The following FRMD4B variants were observed in gnomAD, a reference collection of about 807,000 sequenced individuals.
FRMD4B encodes FERM domain containing 4B, also known as FERM domain-containing protein 4B.
Under a neutral mutation model 141.5 loss-of-function variants are expected in FRMD4B, and 74 were observed. That is an observed-to-expected ratio of 0.52 (90% CI 0.43 to 0.63). FRMD4B has a LOEUF of 0.63. FRMD4B is among the 30% of genes least tolerant of loss of function. The pLI is 0.00. For missense variants in FRMD4B, 1,366 were observed against 1,253.4 expected (o/e 1.09, Z -1.36); for synonymous variants, 506 against 467.9 (o/e 1.08, Z -1.05).
intron 5 of FRMD4B, among the ~76,000 whole-genome samples, chr3:69,257,809 G>GT (rs1369906460): frequency 6.6e-6 from 1 of 151,648 alleles, no homozygotes; most frequent in Non-Finnish European, 1.5e-5. Flanking sequence ...CTACAGGTGT[G>GT]TATCACCATG....
chr3:69,427,724 C>G (rs1472121601), intron 2 of FRMD4B, among the ~76,000 whole-genome samples: 1 of 129,660 alleles, frequency 7.7e-6, no homozygotes, highest in Non-Finnish European at 1.6e-5. Flanking sequence ...GGCTCCATCT[C>G]GGCTCACTGC....
Position 69,224,621 on chromosome 3 carries a change from T to A in FRMD4B, c.651A>T (p.Pro217=). 6.4e-7 allele frequency: 1 copy of A among 1,562,460 alleles called. No individual in the cohort carries two copies. Among genetic ancestry groups the A allele is most frequent in the Non-Finnish European group, 8.8e-7 (1 of 1,137,958 alleles). The part of the protein sequence containing the change: ...AFPTKTLQEH[P]SLAYCEDRVI... ...ATTTGGCTTACCAGTAGGCAAGGGATGGATGCTCCTGAAGAGTTTTGGTTG... is the reference window on the plus strand; with the variant it reads ...ATTTGGCTTACCAGTAGGCAAGGGAAGGATGCTCCTGAAGAGTTTTGGTTG... Residue 217 remains proline (P), a synonymous_variant, in exon 8 of 23, where the codon CCA becomes CCT. Transcript: ENST00000398540.
chr3:69,420,834 A>G (rs750882076), intron 2 of FRMD4B, among the ~76,000 whole-genome samples: 26 of 152,240 alleles, frequency 1.7e-4, no homozygotes, highest in Non-Finnish European at 2.9e-4. Flanking sequence ...AGGTGGATCC[A>G]AAAGAGCAGA....
At chr3:69,293,880 C>CAAAAAAAAAAAAAAAAAA (rs10699871) in intron 4 of FRMD4B, among the ~76,000 whole-genome samples, 1 of 74,448 alleles carries the variant, frequency 1.3e-5, no homozygotes, top group African/African-American at 6.0e-5. Context: ...GATTCTGCCT[C>CAAAAAAAAAAAAAAAAAA]AAAAAAAAAA....
At chr3:69,217,877 C>T (rs556567673) in intron 10 of FRMD4B, among the ~76,000 whole-genome samples, 1 of 152,190 alleles carries the variant, frequency 6.6e-6, no homozygotes, top group African/African-American at 2.4e-5. Context: ...TACTTTTCAT[C>T]ATCTCAAAAT....
chr3:69,341,074 A>C (rs1258254217), intron 1 of FRMD4B, among the ~76,000 whole-genome samples: 1 of 152,222 alleles, frequency 6.6e-6, no homozygotes, highest in Non-Finnish European at 1.5e-5. Flanking sequence ...TTCATATATA[A>C]TAGTTAAAAG....
In FRMD4B at chr3:69,298,805, T is replaced by C. The variant is rs146848025; in HGVS notation, c.416+3538A>G. Among the ~76,000 whole-genome samples, 281 of 152,278 alleles carry C rather than the reference T, an allele frequency of 1.8e-3. 2 individuals carry two copies. Among genetic ancestry groups the C allele is most frequent in the African/African-American group, 4.9e-3 (202 of 41,554 alleles). On this transcript the variant is annotated intron_variant, in intron 4 of 22. Coordinates refer to ENST00000398540, the MANE Select transcript of FRMD4B (RefSeq NM_015123.3). ...AAATGCAGCCCCGGCTTTGCTAATA[T>C]TCCCTTTTCCTCCTCCCTAATGGAG...
At chr3:69,326,468 T>A (rs1458394492) in intron 1 of FRMD4B, among the ~76,000 whole-genome samples, 10 of 152,360 alleles carry the variant, frequency 6.6e-5, no homozygotes. Context: ...TAACACCTTA[T>A]CTGATTGTGA....
At chr3:69,280,013 G>A (rs1559774533) in intron 5 of FRMD4B, among the ~76,000 whole-genome samples, 2 of 152,108 alleles carry the variant, frequency 1.3e-5, no homozygotes, top group South Asian at 2.1e-4. Context: ...AAAAGGGGGT[G>A]TGGTGGTCCA....
chr3:69,293,927 G>A (rs1275919655), intron 4 of FRMD4B, among the ~76,000 whole-genome samples: 3 of 141,004 alleles, frequency 2.1e-5, no homozygotes, highest in East Asian at 4.3e-4. Context: ...TCTTTCCTAA[G>A]TTCTTTCTCT....
intron 2 of FRMD4B, among the ~76,000 whole-genome samples, chr3:69,398,647 A>G (rs187810171): frequency 6.6e-6 from 1 of 152,200 alleles, no homozygotes; most frequent in African/African-American, 2.4e-5. Flanking sequence ...GCCATGTAAG[A>G]TTGTTCAAGA....
intron 1 of FRMD4B, among the ~76,000 whole-genome samples, chr3:69,316,695 C>T (rs1341164535): frequency 6.6e-6 from 1 of 152,020 alleles, no homozygotes; most frequent in Admixed American, 6.6e-5. Flanking sequence ...TAGGTGTAGG[C>T]CCTACAGAAA....
intron 19 of FRMD4B, among the ~76,000 whole-genome samples, chr3:69,183,460 A>C (rs2092730058): frequency 6.6e-6 from 1 of 150,434 alleles, no homozygotes; most frequent in Non-Finnish European, 1.5e-5. Context: ...TGGTGACAAC[A>C]CAATTAGAAG....
Position 69,360,446 on chromosome 3 carries a change from A to G in FRMD4B, c.162+25382T>C, listed in dbSNP as rs114567212. Among the ~76,000 whole-genome samples the G allele has an allele frequency of 8.2e-3, 1,246 of 152,264 alleles. 26 individuals carry two copies. Among genetic ancestry groups the G allele is most frequent in the African/African-American group, 0.029 (1,200 of 41,548 alleles). Reference sequence around the variant, plus strand: ...CAGATCTCTAGTCTTCAAATATCCAATTATCTGATTAATGTCTTTTTTCCC... The same window carrying G: ...CAGATCTCTAGTCTTCAAATATCCAGTTATCTGATTAATGTCTTTTTTCCC... On this transcript the variant is annotated intron_variant, in intron 1 of 22. Coordinates refer to ENST00000398540, the MANE Select transcript of FRMD4B (RefSeq NM_015123.3).
chr3:69,511,455 C>A (rs374646970), intron 1 of FRMD4B, among the ~76,000 whole-genome samples: 1 of 152,200 alleles, frequency 6.6e-6, no homozygotes, highest in East Asian at 1.9e-4. Context: ...GAATACCATG[C>A]CTATATAATC....
intron 11 of FRMD4B, among the ~76,000 whole-genome samples, chr3:69,207,874 C>G (rs2093039293): frequency 6.6e-6 from 1 of 152,002 alleles, no homozygotes; most frequent in South Asian, 2.1e-4. Context: ...ACTTCCTTTT[C>G]TTCTAGCAGC....
At chr3:69,186,859 T>G (rs1185190569) in intron 19 of FRMD4B, among the ~76,000 whole-genome samples, 2 of 152,184 alleles carry the variant, frequency 1.3e-5, no homozygotes, top group African/African-American at 2.4e-5. Flanking sequence ...AATTTCTTTT[T>G]AGGCAAAGCA....
intron 1 of FRMD4B, among the ~76,000 whole-genome samples, chr3:69,530,075 G>A (rs969259714): frequency 5.3e-5 from 8 of 152,208 alleles, no homozygotes; most frequent in South Asian, 2.1e-4. Flanking sequence ...AAAGTAAACC[G>A]GAATACAGCC....
chr3:69,314,593 G>C lies in FRMD4B; in HGVS notation c.163-1076C>G, dbSNP rs67940491. Among the ~76,000 whole-genome samples, 18 of 151,178 alleles carry C rather than the reference G, an allele frequency of 1.2e-4. 1 individual carries two copies. Among genetic ancestry groups the C allele is most frequent in the South Asian group, 4.2e-4 (2 of 4,792 alleles). ...TCACGCCTGTAATCCCAACACTTTG[G>C]GGGGGCCAATCAGGGTAGATCACTT... On this transcript the variant is annotated intron_variant, in intron 1 of 22. Coordinates refer to ENST00000398540, the MANE Select transcript of FRMD4B (RefSeq NM_015123.3).
Sources: gnomAD v4.1 joint callset for allele counts (sites outside exome capture counted in the v4.1 genomes callset) on GRCh38, gnomAD v4.1.1 for gene constraint, MANE v1.5 for transcripts, NCBI Gene and HGNC (gene_info 2026-07-23, HGNC 2026-07-21) for gene names.